The following WDR54 variants were observed in gnomAD, a reference collection of about 807,000 sequenced individuals.
WDR54 encodes the protein WD repeat-containing protein 54.
In WDR54, 44 loss-of-function variants were observed where a neutral mutation model predicts 44.1. The ratio of observed to expected loss-of-function variants is 1.00; its 90% CI spans 0.78 to 1.28. The LOEUF (loss-of-function observed/expected upper bound fraction) is 1.28. Ranked by LOEUF, WDR54 falls within the 50% of genes most tolerant of loss-of-function variation. The probability of loss-of-function intolerance (pLI) is 0.00; values close to 1 mark genes in which losing one functional copy is unlikely to be tolerated. For missense variants in WDR54, 409 were observed against 429.7 expected (o/e 0.95, Z 0.43); for synonymous variants, 169 against 169.8 (o/e 1.00, Z 0.04).
Position 74,422,146 on chromosome 2 carries a change from C to T in WDR54, c.-1-7C>T, listed in dbSNP as rs1191023867. The T allele has an allele frequency of 5.0e-6, 8 of 1,611,612 alleles. No homozygotes were observed. The highest frequency in any genetic ancestry group is 2.7e-5 in the African/African-American group (2 of 75,002). On this transcript the variant is annotated splice_polypyrimidine_tract_variant and splice_region_variant and intron_variant, in intron 1 of 9. Coordinates refer to ENST00000348227, the MANE Select transcript of WDR54 (RefSeq NM_032118.4). Reference sequence around the variant, plus strand: ...GCGCCTGGTGATTCGGCTGCACCCCCACACAGGATGTTCCGCTGGGAGCGC... The same window carrying T: ...GCGCCTGGTGATTCGGCTGCACCCCTACACAGGATGTTCCGCTGGGAGCGC...
In WDR54 at chr2:74,423,354, G is replaced by A; in HGVS notation, c.321G>A (p.Trp107Ter). The change falls in exon 4 of 10, where the codon TGG becomes TGA. Residue 107 changes from tryptophan (W) to a stop codon, truncating the protein, a stop_gained. Transcript: ENST00000348227. LOFTEE classifies it high-confidence loss of function. ...YESNGYTMVYWHALDSGDASP... is the reference protein window; with the variant it reads ...YESNGYTMVY ...CCAATGGCTACACCATGGTCTACTG[G>A]CATGCACTGGACTCTGGAGATGCCT... 5 of 1,614,104 alleles carry A rather than the reference G, an allele frequency of 3.1e-6. No homozygotes were observed. Among genetic ancestry groups the A allele is most frequent in the Non-Finnish European group, 4.2e-6 (5 of 1,180,048 alleles).
Position 74,424,959 on chromosome 2 carries a change from C to A in WDR54, c.619C>A (p.Arg207Ser). The A allele has an allele frequency of 6.2e-7, 1 of 1,614,194 alleles. No homozygotes were observed. The highest frequency in any genetic ancestry group is 8.5e-7 in the Non-Finnish European group (1 of 1,180,032). ...RSGPEFTLLT[R>S]IPGFGVPCPS... is the part of the protein sequence containing the mutation. Reference sequence around the variant, plus strand: ...AGGGCCAGAATTCACATTATTGACCCGCATTCCAGGATTTGGGTAGGTGAG... The same window carrying A: ...AGGGCCAGAATTCACATTATTGACCAGCATTCCAGGATTTGGGTAGGTGAG... Residue 207 changes from arginine to serine, a missense_variant, in exon 7 of 10, where the codon CGC becomes AGC. Arg to Ser is a moderately radical substitution (Grantham distance 110, BLOSUM62 -1). Coordinates refer to ENST00000348227, the MANE Select transcript of WDR54 (RefSeq NM_032118.4).
intron 5 of WDR54, 116 bp downstream of exon 5, chr2:74,423,647 T>G: frequency 6.8e-7 from 1 of 1,474,542 alleles, no homozygotes; most frequent in Admixed American, 1.8e-5. Context: ...GGAAGTGGAG[T>G]GGAATCAGAG....
Position 74,422,333 on chromosome 2 carries a change from C to T in WDR54, c.180C>T (p.His60=). Residue 60 remains histidine (H), a synonymous_variant, in exon 2 of 10, where the codon CAC becomes CAT. Coordinates refer to ENST00000348227, the MANE Select transcript of WDR54 (RefSeq NM_032118.4). ...EGVPLAQRQL[H]AKEGAGVSPP... ...TGCCCTTGGCCCAGCGCCAGCTCCA[C>T]GCTAAGGAGGGTGCTGGAGTGAGTC... is the stretch of plus-strand genomic sequence containing the variant. 1 of 1,614,152 alleles carries T rather than the reference C, an allele frequency of 6.2e-7. No homozygotes were observed. The highest frequency in any genetic ancestry group is 8.5e-7 in the Non-Finnish European group (1 of 1,180,018).
intron 8 of WDR54, 53 bp from the exon 9 acceptor site, chr2:74,425,364 G>C: frequency 4.4e-6 from 7 of 1,608,936 alleles, no homozygotes; most frequent in Non-Finnish European, 5.9e-6. Flanking sequence ...GGGGATTCCA[G>C]CTTATAGCTG....
intron 6 of WDR54, among the ~76,000 whole-genome samples, chr2:74,424,564 C>T (rs538494537): frequency 7.2e-4 from 109 of 152,294 alleles, no homozygotes; most frequent in African/African-American, 2.4e-3. Flanking sequence ...TGGTTCACTA[C>T]GAGACCTCCA....
chr2:74,425,491 G>C lies in WDR54; in HGVS notation c.873G>C (p.Glu291Asp). 6.2e-7 allele frequency: 1 copy of C among 1,614,216 alleles called. No homozygotes were observed. The highest frequency in any genetic ancestry group is 8.5e-7 in the Non-Finnish European group (1 of 1,180,034). ...LSRNPESGYI[E>D]VEHCHGECVA... is the part of the protein sequence containing the mutation. The stretch of plus-strand genomic sequence containing the variant: ...GAAACCCAGAGAGTGGCTACATTGA[G>C]GTATGTGTCATGGGGTGGGTGGAAT... The change falls in exon 9 of 10, where the codon GAG (glutamate) becomes GAC (aspartate). Residue 291 changes from glutamate to aspartate, a missense_variant and splice_region_variant. Glu to Asp is a conservative substitution (Grantham distance 45, BLOSUM62 2). Coordinates refer to ENST00000348227, the MANE Select transcript of WDR54 (RefSeq NM_032118.4).
chr2:74,422,446 A>G (rs2103851718), intron 2 of WDR54, 71 bp downstream of exon 2: 1 of 1,484,238 alleles, frequency 6.7e-7, no homozygotes, highest in South Asian at 1.3e-5. Context: ...CCAAACCTTC[A>G]GGAGCAGGCA....
In WDR54 at chr2:74,423,379, T is replaced by C. The variant is rs773835890; in HGVS notation, c.346T>C (p.Ser116Pro). 4 of 1,614,016 alleles carry C rather than the reference T, an allele frequency of 2.5e-6. No homozygotes were observed. The African/African-American group carries it at 5.3e-5, about 22-fold the overall frequency. ...YWHALDSGDASPVQAVFARGI... is the reference protein window; with the variant it reads ...YWHALDSGDAPPVQAVFARGI... ...GCATGCACTGGACTCTGGAGATGCCTCCCCAGGTACCTGCAGGACCAAGTG... is the reference window on the plus strand; with the variant it reads ...GCATGCACTGGACTCTGGAGATGCCCCCCCAGGTACCTGCAGGACCAAGTG... The change falls in exon 4 of 10, where the codon TCC (serine) becomes CCC (proline). Residue 116 changes from serine (S) to proline (P), a missense_variant. Physicochemically the swap from Ser to Pro is moderately conservative, Grantham distance 74. Coordinates refer to ENST00000348227, the MANE Select transcript of WDR54 (RefSeq NM_032118.4).
rs1003660238 is a variant in WDR54 at position 74,422,741 on chromosome 2, C to A, written c.223-129C>A. 7.0e-6 allele frequency: 6 copies of A among 856,478 alleles called. No individual in the cohort carries two copies. The Admixed American group carries it at 7.3e-5, about 10-fold the overall frequency. The allele number at this position is 856,478 out of a possible 1,614,324, so 53.1% of individuals were successfully genotyped here. A position where few individuals can be genotyped will look rare whatever the true frequency, so the allele number is the denominator to read the frequency against. Reference sequence around the variant, plus strand: ...CCAGGAGGCTGAGGTTGCAGTGAGCCGAGATGGCGCCACTGCACTCCAGCC... The same window carrying A: ...CCAGGAGGCTGAGGTTGCAGTGAGCAGAGATGGCGCCACTGCACTCCAGCC... On this transcript the variant is annotated intron_variant, in intron 2 of 9. Transcript: ENST00000348227.
chr2:74,425,088 T>G lies in WDR54; in HGVS notation c.649T>G (p.Ser217Ala). 1 of 1,601,578 alleles carries G rather than the reference T, an allele frequency of 6.2e-7. No homozygotes were observed. Among genetic ancestry groups the G allele is most frequent in the Non-Finnish European group, 8.5e-7 (1 of 1,171,110 alleles). Residue 217 changes from serine to alanine, a missense_variant, in exon 8 of 10, where the codon TCT becomes GCT. Transcript: ENST00000348227. ...TCACCCTTGCAGAGTTCCGTGCCCC[T>G]CTGTGCAGCTGTGGCAGGGGATCAT... ...RIPGFGVPCPSVQLWQGIIAA... is the reference protein window; with the variant it reads ...RIPGFGVPCPAVQLWQGIIAA...
rs1331488483 is a variant in WDR54 at position 74,424,936 on chromosome 2, G to A, written c.596G>A (p.Gly199Glu). 6.2e-7 allele frequency: 1 copy of A among 1,614,086 alleles called. No homozygotes were observed. The highest frequency in any genetic ancestry group is 1.3e-5 in the African/African-American group (1 of 74,922). Residue 199 changes from glycine to glutamate, a missense_variant, in exon 7 of 10, where the codon GGG becomes GAG. By Grantham distance (98) the Gly-to-Glu change is moderately conservative. Transcript: ENST00000348227. ...DSGLLCVWRS[G>E]PEFTLLTRIP... ...GGCTTGCTGTGTGTCTGGCGGTCAG[G>A]GCCAGAATTCACATTATTGACCCGC...
chr2:74,422,089 C>T, intron 1 of WDR54, 64 bp from the exon 2 acceptor site: 2 of 1,535,392 alleles, frequency 1.3e-6, no homozygotes, highest in Non-Finnish European at 1.8e-6. Flanking sequence ...TGATAGCCGC[C>T]CTCGGGCATC....
intron 8 of WDR54, 49 bp downstream of exon 8, chr2:74,425,286 T>G (rs1398569791): frequency 6.5e-7 from 1 of 1,539,208 alleles, no homozygotes; most frequent in South Asian, 1.3e-5. Flanking sequence ...GGCAGTGGAA[T>G]GTTGAGAGAA....
intron 3 of WDR54, 112 bp downstream of exon 3, chr2:74,423,044 C>A: frequency 9.0e-7 from 1 of 1,114,162 alleles, no homozygotes; most frequent in South Asian, 1.3e-5. Context: ...ACATGCTTGG[C>A]CCACTCACTC....
Position 74,422,304 on chromosome 2 carries a change from G to GGT in WDR54, c.155_156dup (p.Pro53CysfsTer16), listed in dbSNP as rs762053002. On this transcript the variant is annotated frameshift_variant, in exon 2 of 10. Coordinates refer to ENST00000348227, the MANE Select transcript of WDR54 (RefSeq NM_032118.4). LOFTEE classifies it high-confidence loss of function. ...CCAGCTTCTCAGCGCTGCTCCTGAG[G>GGT]GTGTGCCCTTGGCCCAGCGCCAGCT... 1.2e-6 allele frequency: 2 copies of GGT among 1,614,110 alleles called. No homozygotes were observed. The highest frequency in any genetic ancestry group is 1.7e-6 in the Non-Finnish European group (2 of 1,180,046).
chr2:74,422,942 G>C lies in WDR54; in HGVS notation c.285+10G>C, dbSNP rs1450299757. 1.2e-6 allele frequency: 2 copies of C among 1,614,024 alleles called. No individual in the cohort carries two copies. Among genetic ancestry groups the C allele is most frequent in the Admixed American group, 1.7e-5 (1 of 60,024 alleles). On this transcript the variant is annotated intron_variant, in intron 3 of 9. Transcript: ENST00000348227. ...ACATCGAGGAATACAGGTAAGAAGA[G>C]GACTCTCCTGCTTGCCCCACCAGAG... is the stretch of plus-strand genomic sequence containing the variant.
chr2:74,423,737 G>A (rs1188231193), intron 5 of WDR54, 118 bp from the exon 6 acceptor site: 22 of 1,503,770 alleles, frequency 1.5e-5, no homozygotes, highest in Non-Finnish European at 2.0e-5. Flanking sequence ...ATGGCCGTTG[G>A]AGCAGTGAGA....
At chr2:74,423,806 AC>A in intron 5 of WDR54, 48 bp from the exon 6 acceptor site, 3 of 1,600,884 alleles carry the variant, frequency 1.9e-6, no homozygotes, top group Middle Eastern at 1.7e-4. Flanking sequence ...GTGGCTGGAG[AC>A]CCAGGAGGGT....
Sources: allele counts gnomAD v4.1 joint callset (sites outside exome capture counted in the v4.1 genomes callset), GRCh38; gene constraint gnomAD v4.1.1; transcripts MANE v1.5; gene names NCBI Gene and HGNC (gene_info 2026-07-23, HGNC 2026-07-21).